The following FRAS1 variants were observed in gnomAD, a reference collection of about 807,000 sequenced individuals.
FRAS1 encodes extracellular matrix organizing protein FRAS1.
A neutral mutation model predicts 435.2 loss-of-function variants in FRAS1; 290 were observed. The observed-to-expected ratio is 0.67, with a 90% CI of 0.61 to 0.73. The LOEUF is 0.73. Ranked by LOEUF, FRAS1 falls within the 30% of genes least tolerant of loss-of-function variation. The pLI is 0.00. For missense variants in FRAS1, 4,860 were observed against 5,001.5 expected, an observed-to-expected ratio of 0.97 and a Z score of 0.85; for synonymous variants, 1,800 against 1,851.0, an observed-to-expected ratio of 0.97 and a Z score of 0.71.
At position 78,480,870 on chromosome 4, in the gene FRAS1, G is replaced by A. The variant is rs117821612; in HGVS notation, c.8444-934G>A. Among the ~76,000 whole-genome samples the A allele has an allele frequency of 4.6e-5, 7 of 152,314 alleles. No individual in the cohort carries two copies. The East Asian group carries it at 1.4e-3, about 29-fold the overall frequency. ...GAGCACTGGGAACAGGTATTTTTGAGCACTTACCGAATGCCGGGCACCATA... is the reference window on the plus strand; with the variant it reads ...GAGCACTGGGAACAGGTATTTTTGAACACTTACCGAATGCCGGGCACCATA... On this transcript the variant is annotated intron_variant, in intron 56 of 73. Transcript: ENST00000512123.
Position 78,534,565 on chromosome 4 carries a change from C to T in FRAS1, c.11042C>T (p.Thr3681Ile), listed in dbSNP as rs1721822624. Reference protein sequence around the residue: ...NEKVFLMDPNTSDMSLAEMDY... With the variant: ...NEKVFLMDPNISDMSLAEMDY... The stretch of plus-strand genomic sequence containing the variant: ...AAGGTGTTCCTAATGGATCCCAATA[C>T]ATCTGATATGTCACTAGCAGAAATG... The change falls in exon 71 of 74, where the codon ACA becomes ATA. Residue 3681 changes from threonine to isoleucine, a missense_variant. Thr to Ile is a moderately conservative substitution (Grantham distance 89, BLOSUM62 -1). Coordinates refer to ENST00000512123, the MANE Select transcript of FRAS1 (RefSeq NM_025074.7). The T allele has an allele frequency of 6.2e-7, 1 of 1,613,492 alleles. No individual in the cohort carries two copies. The highest frequency in any genetic ancestry group is 1.3e-5 in the African/African-American group (1 of 75,022).
In FRAS1 at chr4:78,321,838, CAAAAAAAA is replaced by C. The variant is rs35661816; in HGVS notation, c.2137+2863_2137+2870del. Among the ~76,000 whole-genome samples the C allele has an allele frequency of 6.6e-5, 7 of 106,282 alleles. No individual in the cohort carries two copies. In the Admixed American group the frequency reaches 6.7e-4, roughly 10 times the overall value. 69.7% of individuals were successfully genotyped at this position (106,282 alleles called of 152,430 possible). On this transcript the variant is annotated intron_variant, in intron 18 of 73. Coordinates refer to ENST00000512123, the MANE Select transcript of FRAS1 (RefSeq NM_025074.7). Reference sequence around the variant, plus strand: ...CAGCCTGGAGTTAACAAAACTTCGTCAAAAAAAAAAAAAAAAAAGGTTAGAATCTAATC... The same window carrying C: ...CAGCCTGGAGTTAACAAAACTTCGTCAAAAAAAAAAGGTTAGAATCTAATC...
intron 44 of FRAS1, 61 bp downstream of exon 44, chr4:78,448,377 G>T: frequency 6.9e-7 from 1 of 1,454,394 alleles, no homozygotes; most frequent in Non-Finnish European, 9.3e-7. Context: ...TCTTTGTCCA[G>T]TATGCAGTAC....
chr4:78,087,123 C>G lies in FRAS1; in HGVS notation c.108+21107C>G, dbSNP rs544292644. Among the ~76,000 whole-genome samples the G allele has an allele frequency of 3.3e-5, 5 of 152,166 alleles. No homozygotes were observed. In the East Asian group the frequency reaches 9.7e-4, roughly 29 times the overall value. ...TGGGATGCAAGGCTGGTTCAACATA[C>G]AAAAATCAATGAACATAATCCAGCA... On this transcript the variant is annotated intron_variant, in intron 2 of 73. Coordinates refer to ENST00000512123, the MANE Select transcript of FRAS1 (RefSeq NM_025074.7).
chr4:78,169,380 G>A (rs1283159483), intron 2 of FRAS1, among the ~76,000 whole-genome samples: 1 of 152,088 alleles, frequency 6.6e-6, no homozygotes, highest in Non-Finnish European at 1.5e-5. Context: ...CATTGTTAGT[G>A]TGCTGTAATG....
chr4:78,331,066 G>A (rs1413728631), intron 18 of FRAS1, among the ~76,000 whole-genome samples: 9 of 152,118 alleles, frequency 5.9e-5, no homozygotes, highest in Non-Finnish European at 1.0e-4. Context: ...CAAGCTGGCC[G>A]ATGCTTAAGG....
chr4:78,143,947 C>G (rs1416197058), intron 2 of FRAS1, among the ~76,000 whole-genome samples: 4 of 149,700 alleles, frequency 2.7e-5, no homozygotes, highest in African/African-American at 9.8e-5. Flanking sequence ...AAGTACACCT[C>G]TGAGCACTGA....
intron 2 of FRAS1, among the ~76,000 whole-genome samples, chr4:78,236,132 TC>T (rs1724743712): frequency 6.6e-6 from 1 of 152,052 alleles, no homozygotes. Context: ...AGAGTAGAAA[TC>T]CAGGGGAGAA....
At chr4:78,482,076 C>A in intron 57 of FRAS1, 112 bp downstream of exon 57, 2 of 1,145,478 alleles carry the variant, frequency 1.7e-6, no homozygotes, top group East Asian at 2.5e-5. Flanking sequence ...CCTATCTTTC[C>A]TTTCTTTAAA....
At chr4:78,367,233 T>G (rs1731306126) in intron 22 of FRAS1, among the ~76,000 whole-genome samples, 1 of 152,028 alleles carries the variant, frequency 6.6e-6, no homozygotes, top group Non-Finnish European at 1.5e-5. Context: ...AGTGAGATCC[T>G]GTCTCTAGAA....
At chr4:78,265,879 C>T (rs947574983) in intron 7 of FRAS1, among the ~76,000 whole-genome samples, 21 of 152,204 alleles carry the variant, frequency 1.4e-4, no homozygotes, top group African/African-American at 4.8e-4. Flanking sequence ...AGGTGCCTCA[C>T]AAATTCTAGG....
At chr4:78,449,836 C>G (rs1185834318) in intron 44 of FRAS1, among the ~76,000 whole-genome samples, 1 of 152,110 alleles carries the variant, frequency 6.6e-6, no homozygotes, top group Non-Finnish European at 1.5e-5. Context: ...TGTCACAGAA[C>G]TGGGAGTTAT....
rs531269953 is a variant in FRAS1, at chr4:78,540,827, G to A, written c.11742G>A (p.Met3914Ile). ...TTGGCAGTGCCCTGGCTGCAATCATGCTTCTACTTCTGGTGTTTTTGGTGG... is the reference window on the plus strand; with the variant it reads ...TTGGCAGTGCCCTGGCTGCAATCATACTTCTACTTCTGGTGTTTTTGGTGG... ...ASIGSALAAIMLLLLVFLVAC... is the reference protein window; with the variant it reads ...ASIGSALAAIILLLLVFLVAC... Residue 3914 changes from methionine to isoleucine, a missense_variant, in exon 74 of 74, where the codon ATG (methionine) becomes ATA (isoleucine). Transcript: ENST00000512123. 1.2e-6 allele frequency: 2 copies of A among 1,613,824 alleles called. No homozygotes were observed. Among genetic ancestry groups the A allele is most frequent in the Non-Finnish European group, 1.7e-6 (2 of 1,179,864 alleles).
chr4:78,285,811 G>A (rs7687406), intron 13 of FRAS1, among the ~76,000 whole-genome samples: 6,833 of 152,184 alleles, frequency 0.045, 533 homozygotes, highest in African/African-American at 0.15. Flanking sequence ...CAAGTGTTTT[G>A]ATACAGGTTA....
chr4:78,192,997 A>G (rs1449351585), intron 2 of FRAS1, among the ~76,000 whole-genome samples: 2 of 152,162 alleles, frequency 1.3e-5, no homozygotes, highest in Non-Finnish European at 1.5e-5. Flanking sequence ...GGTTTCAAAG[A>G]ACATCTTTAT....
chr4:78,526,625 G>A lies in FRAS1; in HGVS notation c.10893G>A (p.Lys3631=). 6.3e-7 allele frequency: 1 copy of A among 1,593,592 alleles called. No individual in the cohort carries two copies. Among genetic ancestry groups the A allele is most frequent in the Non-Finnish European group, 8.5e-7 (1 of 1,170,970 alleles). The change falls in exon 70 of 74, where the codon AAG becomes AAA. Residue 3631 remains lysine (K), a synonymous_variant. Coordinates refer to ENST00000512123, the MANE Select transcript of FRAS1 (RefSeq NM_025074.7). ...PTQPWVDPGE[K]PLACTAHAPE... ...AGCCATGGGTTGACCCAGGAGAGAA[G>A]CCTTTGGCCTGCACTGCACATGCCC...
chr4:78,303,493 T>C (rs1728533276), intron 14 of FRAS1, among the ~76,000 whole-genome samples: 1 of 152,234 alleles, frequency 6.6e-6, no homozygotes, highest in South Asian at 2.1e-4. Context: ...CCCATGAGCA[T>C]GGAATGTTCT....
chr4:78,311,979 CA>C (rs1729043577), intron 15 of FRAS1, among the ~76,000 whole-genome samples: 1 of 151,872 alleles, frequency 6.6e-6, no homozygotes, highest in Admixed American at 6.6e-5. Flanking sequence ...TTTAAATATG[CA>C]AATTTTCTCA....
intron 61 of FRAS1, among the ~76,000 whole-genome samples, chr4:78,506,986 T>C (rs901877105): frequency 1.1e-4 from 16 of 152,162 alleles, no homozygotes; most frequent in Non-Finnish European, 1.5e-5. Context: ...TAGATAACCT[T>C]GAGCCACTAC....
Sources: gnomAD v4.1 joint callset for allele counts (sites outside exome capture counted in the v4.1 genomes callset) on GRCh38, gnomAD v4.1.1 for gene constraint, MANE v1.5 for transcripts, NCBI Gene and HGNC (gene_info 2026-07-23, HGNC 2026-07-21) for gene names.